ADGRB3: variants seen among roughly 807,000 people sequenced by gnomAD.
ADGRB3 encodes adhesion G protein-coupled receptor B3.
Under a neutral mutation model 193.4 loss-of-function variants are expected in ADGRB3, and 37 were observed. That is an observed-to-expected ratio of 0.19 (90% CI 0.15 to 0.25). ADGRB3 has a LOEUF of 0.25. ADGRB3 is among the 10% of genes least tolerant of loss of function. ADGRB3 has a pLI of 1.00. For missense variants in ADGRB3, 1,637 were observed against 1,852.9 expected (o/e 0.88, Z 2.14); for synonymous variants, 690 against 644.2 (o/e 1.07, Z -1.08).
intron 22 of ADGRB3, among the ~76,000 whole-genome samples, chr6:69,328,107 A>G (rs1463380562): frequency 2.6e-5 from 4 of 152,192 alleles, no homozygotes; most frequent in African/African-American, 9.6e-5. Context: ...CCCATTTCTT[A>G]ATAAGACCAG....
At position 68,807,235 on chromosome 6, in the gene ADGRB3, C is replaced by CTTT. The variant is rs771342538; in HGVS notation, c.758-123306_758-123304dup. ...TTTTTCTTTTTCTTTTTTCTTTTTT[C>CTTT]TTTTTTTTTTTTTTTTTTTTGAGAC... On this transcript the variant is annotated intron_variant, in intron 3 of 31. Transcript: ENST00000370598. Among the ~76,000 whole-genome samples the CTTT allele has an allele frequency of 6.3e-3, 632 of 100,176 alleles. 37 individuals are homozygous for CTTT. The highest frequency in any genetic ancestry group is 0.017 in the African/African-American group (459 of 26,780). The allele number at this position is 100,176 out of a possible 152,430, so 65.7% of individuals were successfully genotyped here. A position where few individuals can be genotyped will look rare whatever the true frequency, so the allele number is the denominator to read the frequency against.
intron 11 of ADGRB3, among the ~76,000 whole-genome samples, chr6:69,004,811 G>T (rs375994192): frequency 6.6e-6 from 1 of 152,108 alleles, no homozygotes. Context: ...GGGTTGGGGG[G>T]TGCTGAGATA....
At chr6:68,743,416 T>TA (rs1766020665) in intron 3 of ADGRB3, among the ~76,000 whole-genome samples, 1 of 149,510 alleles carries the variant, frequency 6.7e-6, no homozygotes, top group Non-Finnish European at 1.5e-5. Flanking sequence ...AAGTGCTCCA[T>TA]TTTTTTTTTC....
chr6:69,342,154 A>C (rs1216439515), intron 26 of ADGRB3, among the ~76,000 whole-genome samples: 1 of 152,160 alleles, frequency 6.6e-6, no homozygotes, highest in Non-Finnish European at 1.5e-5. Context: ...CAATCATATA[A>C]TAAATGCTTC....
chr6:68,639,462 G>A lies in ADGRB3; in HGVS notation c.757+30G>A, dbSNP rs778500755. ...GTGCCAAAGAGAGGGGAAGGTGAGC[G>A]GGGGAGCACTTTTGGGGGATGGAGT... On this transcript the variant is annotated intron_variant, in intron 3 of 31. Coordinates refer to ENST00000370598, the MANE Select transcript of ADGRB3 (RefSeq NM_001704.3). 21 of 1,554,222 alleles carry A rather than the reference G, an allele frequency of 1.4e-5. No individual in the cohort carries two copies. The Admixed American group carries it at 1.4e-4, about 10-fold the overall frequency.
intron 17 of ADGRB3, among the ~76,000 whole-genome samples, chr6:69,101,901 G>C (rs1773067384): frequency 6.6e-6 from 1 of 152,030 alleles, no homozygotes; most frequent in Non-Finnish European, 1.5e-5. Context: ...AATATATTAA[G>C]ACTCTCGGCC....
intron 20 of ADGRB3, among the ~76,000 whole-genome samples, chr6:69,314,611 A>T (rs1436080501): frequency 2.0e-5 from 3 of 151,614 alleles, no homozygotes; most frequent in Non-Finnish European, 4.4e-5. Context: ...ATGAACCAAG[A>T]GTTTTCAAGA....
chr6:69,027,619 G>T (rs934031497), intron 13 of ADGRB3, among the ~76,000 whole-genome samples: 3 of 152,154 alleles, frequency 2.0e-5, no homozygotes, highest in Non-Finnish European at 2.9e-5. Flanking sequence ...GTACTAAAAG[G>T]ATCATTCTGA....
At chr6:68,995,667 C>T (rs1263733344) in intron 11 of ADGRB3, among the ~76,000 whole-genome samples, 6 of 152,144 alleles carry the variant, frequency 3.9e-5, no homozygotes, top group Non-Finnish European at 8.8e-5. Flanking sequence ...GTCCTAAGCA[C>T]GTTGGTGTCC....
intron 3 of ADGRB3, among the ~76,000 whole-genome samples, chr6:68,830,943 G>A (rs1699512303): frequency 1.9e-5 from 2 of 103,130 alleles, no homozygotes; most frequent in Admixed American, 2.2e-4. Context: ...AAACATGTAT[G>A]GCAGAACAAC....
intron 20 of ADGRB3, among the ~76,000 whole-genome samples, chr6:69,298,206 G>A (rs1225192260): frequency 6.6e-6 from 1 of 151,998 alleles, no homozygotes. Context: ...TGAATGCTGA[G>A]GTGAGCCAAT....
At chr6:68,719,025 G>A (rs1212289165) in intron 3 of ADGRB3, among the ~76,000 whole-genome samples, 2 of 151,740 alleles carry the variant, frequency 1.3e-5, no homozygotes, top group African/African-American at 4.8e-5. Context: ...GGTGTATTGT[G>A]TCCTAATTAT....
At chr6:68,758,042 A>G (rs888615196) in intron 3 of ADGRB3, among the ~76,000 whole-genome samples, 2 of 152,060 alleles carry the variant, frequency 1.3e-5, no homozygotes, top group African/African-American at 4.8e-5. Context: ...TATATCAGCT[A>G]GGAAGCCTTA....
chr6:68,794,075 A>G (rs959444985), intron 3 of ADGRB3, among the ~76,000 whole-genome samples: 1 of 152,156 alleles, frequency 6.6e-6, no homozygotes, highest in Admixed American at 6.6e-5. Flanking sequence ...TTGGACTTGT[A>G]TGTGTGAAGC....
chr6:69,388,323 A>C (rs955222679), intron 31 of ADGRB3, among the ~76,000 whole-genome samples: 3 of 152,128 alleles, frequency 2.0e-5, no homozygotes, highest in Non-Finnish European at 4.4e-5. Context: ...TAATCTCACC[A>C]AATTTCTGTC....
Position 68,975,248 on chromosome 6 carries a change from C to G in ADGRB3, c.1642C>G (p.Arg548Gly). ...GTGACACACAGGCACCACTAGCAGA[C>G]GCTGCTCTCTCAGTCTTCATGGAGT... is the stretch of plus-strand genomic sequence containing the variant. Reference protein sequence around the residue: ...PLNATGTTSRRCSLSLHGVAF... With the variant: ...PLNATGTTSRGCSLSLHGVAF... The change falls in exon 10 of 32, where the codon CGC (arginine) becomes GGC (glycine). Residue 548 changes from arginine (R) to glycine (G), a missense_variant. Physicochemically the swap from Arg to Gly is moderately radical, Grantham distance 125. This residue lies in a region of ADGRB3 where 641 missense variants were observed against 673.9 expected (regional missense o/e 0.95). Coordinates refer to ENST00000370598, the MANE Select transcript of ADGRB3 (RefSeq NM_001704.3). 6.2e-7 allele frequency: 1 copy of G among 1,613,866 alleles called. No individual in the cohort carries two copies. Among genetic ancestry groups the G allele is most frequent in the Non-Finnish European group, 8.5e-7 (1 of 1,179,834 alleles).
intron 30 of ADGRB3, among the ~76,000 whole-genome samples, chr6:69,377,372 A>G (rs1466227405): frequency 1.3e-5 from 2 of 152,042 alleles, no homozygotes; most frequent in Non-Finnish European, 1.5e-5. Context: ...TAAGTCATAG[A>G]TACCAGAATT....
chr6:69,052,394 G>T (rs1179331666), intron 15 of ADGRB3, among the ~76,000 whole-genome samples: 1 of 152,120 alleles, frequency 6.6e-6, no homozygotes, highest in Non-Finnish European at 1.5e-5. Flanking sequence ...CATTCTATGT[G>T]TTCAGTTATT....
intron 11 of ADGRB3, among the ~76,000 whole-genome samples, chr6:69,005,289 G>A (rs1769714699): frequency 6.6e-6 from 1 of 151,326 alleles, no homozygotes; most frequent in South Asian, 2.1e-4. Flanking sequence ...ATCCCATCTA[G>A]TATACCTCAC....
Sources: gnomAD v4.1 joint callset for allele counts (sites outside exome capture counted in the v4.1 genomes callset) on GRCh38, gnomAD v4.1.1 for gene constraint, gnomAD v4.1.1 regional missense constraint, MANE v1.5 for transcripts, NCBI Gene and HGNC (gene_info 2026-07-23, HGNC 2026-07-21) for gene names.